Variants in CDKN2C observed in about 807,000 individuals in gnomAD.
CDKN2C encodes cyclin dependent kinase inhibitor 2C, also known as cyclin-dependent kinase 4 inhibitor C.
CDKN2C carries 5 observed loss-of-function variants against 11.0 expected under a neutral mutation model. The observed-to-expected ratio is 0.45, with a 90% CI of 0.24 to 0.95. The LOEUF (loss-of-function observed/expected upper bound fraction) is 0.95. Ranked by LOEUF, CDKN2C falls within the 40% of genes least tolerant of loss-of-function variation. The pLI, the probability that CDKN2C is intolerant of heterozygous loss-of-function variation, is 0.21. For missense variants in CDKN2C, 161 were observed against 211.9 expected (o/e 0.76, Z 1.49); for synonymous variants, 79 against 88.3 (o/e 0.89, Z 0.59).
upstream of CDKN2C, among the ~76,000 whole-genome samples, chr1:50,967,324 T>C (rs1645351464): frequency 1.3e-5 from 2 of 152,266 alleles, no homozygotes; most frequent in Non-Finnish European, 2.9e-5. Context: ...AGAGAGTTAA[T>C]TTCTTGTTTT....
At chr1:50,972,167 G>C (rs1457328849) in intron 1 of CDKN2C, among the ~76,000 whole-genome samples, 1 of 152,104 alleles carries the variant, frequency 6.6e-6, no homozygotes, top group Admixed American at 6.5e-5. Context: ...GCTTTACGAA[G>C]ATCCAAGGTA....
In CDKN2C at chr1:50,970,303, A is replaced by C; in HGVS notation, c.-66A>C. The stretch of plus-strand genomic sequence containing the variant: ...GATGCCATCATGCAGCCTGGTTAGG[A>C]GCAAAGGAAAGGGGAAAAAGAAAAA... On this transcript the variant is annotated 5_prime_UTR_variant, in exon 1 of 2. Coordinates refer to ENST00000371761, the MANE Select transcript of CDKN2C (RefSeq NM_078626.3). 2 of 1,599,070 alleles carry C rather than the reference A, an allele frequency of 1.3e-6. No individual in the cohort carries two copies. Among genetic ancestry groups the C allele is most frequent in the Non-Finnish European group, 1.7e-6 (2 of 1,172,478 alleles).
intron 1 of CDKN2C, among the ~76,000 whole-genome samples, chr1:50,972,108 G>A (rs1645384218): frequency 6.6e-6 from 1 of 152,020 alleles, no homozygotes; most frequent in African/African-American, 2.4e-5. Context: ...CACCTTCCTA[G>A]TGTACATTTT....
chr1:50,972,158 C>G (rs1423712652), intron 1 of CDKN2C, among the ~76,000 whole-genome samples: 2 of 152,068 alleles, frequency 1.3e-5, no homozygotes, highest in African/African-American at 4.8e-5. Flanking sequence ...CGTATGTTTG[C>G]TTTACGAAGA....
At chr1:50,963,520 G>C (rs1183448490) in intron 1 of CDKN2C, among the ~76,000 whole-genome samples, 1 of 152,168 alleles carries the variant, frequency 6.6e-6, no homozygotes, top group African/African-American at 2.4e-5. Context: ...GACAGACCTA[G>C]GATTCAAGAC....
upstream of CDKN2C, chr1:50,970,214 C>T (rs1043466567): frequency 6.9e-6 from 6 of 866,056 alleles, no homozygotes; most frequent in Admixed American, 2.4e-5. Context: ...GCAGGCAGAT[C>T]TTACTAGTAT....
At chr1:50,970,679 A>C (rs968277117) in intron 1 of CDKN2C, among the ~76,000 whole-genome samples, 182 bp downstream of exon 1, 1 of 151,668 alleles carries the variant, frequency 6.6e-6, no homozygotes, top group Non-Finnish European at 1.5e-5. Context: ...CTTTGAACAA[A>C]CTCCTCAAAT....
At position 50,974,308 on chromosome 1, in the gene CDKN2C, C is replaced by A; in HGVS notation, c.*38C>A. The A allele has an allele frequency of 6.6e-7, 1 of 1,513,912 alleles. No homozygotes were observed. Among genetic ancestry groups the A allele is most frequent in the Non-Finnish European group, 8.8e-7 (1 of 1,131,324 alleles). 93.8% of individuals were successfully genotyped at this position (1,513,912 alleles called of 1,614,324 possible). On this transcript the variant is annotated 3_prime_UTR_variant, in exon 2 of 2. Transcript: ENST00000371761. Reference sequence around the variant, plus strand: ...CTCCCCCACGTTGCCTCTACTTTATCAATTAACTGAGTAGCTCTCCTGACT... The same window carrying A: ...CTCCCCCACGTTGCCTCTACTTTATAAATTAACTGAGTAGCTCTCCTGACT...
At chr1:50,965,840 G>A (rs190303886), upstream of CDKN2C, among the ~76,000 whole-genome samples, 467 of 152,234 alleles carry the variant, frequency 3.1e-3, no homozygotes, top group Non-Finnish European at 4.9e-3. Flanking sequence ...AGGCTGCCTG[G>A]GGGTGCCCAG....
At chr1:50,961,851 TA>T (rs1204412711) in intron 1 of CDKN2C, among the ~76,000 whole-genome samples, 1 of 152,240 alleles carries the variant, frequency 6.6e-6, no homozygotes, top group African/African-American at 2.4e-5. Flanking sequence ...CTAGGCTCCA[TA>T]AACTGGGAAT....
At chr1:50,963,827 C>A (rs953875548) in intron 1 of CDKN2C, among the ~76,000 whole-genome samples, 1 of 152,104 alleles carries the variant, frequency 6.6e-6, no homozygotes, top group Admixed American at 6.6e-5. Context: ...GAAATTTGGT[C>A]CATGCACGAG....
upstream of CDKN2C, among the ~76,000 whole-genome samples, chr1:50,966,490 A>C (rs1304941267): frequency 6.6e-6 from 1 of 152,248 alleles, no homozygotes; most frequent in African/African-American, 2.4e-5. Context: ...CACTCTCAAT[A>C]TAGTAGAAAC....
In CDKN2C at chr1:50,973,803, G is replaced by A; in HGVS notation, c.130-90G>A. 2.0e-6 allele frequency: 3 copies of A among 1,482,380 alleles called. No individual in the cohort carries two copies. The South Asian group carries it at 3.4e-5, about 17-fold the overall frequency. 91.8% of individuals were successfully genotyped at this position (1,482,380 alleles called of 1,614,324 possible). On this transcript the variant is annotated intron_variant, in intron 1 of 1. Coordinates refer to ENST00000371761, the MANE Select transcript of CDKN2C (RefSeq NM_078626.3). Reference sequence around the variant, plus strand: ...GCAAGAACTCCATCAAAAATAAATAGTTACATAAATGGAAGGACAGGCAGA... The same window carrying A: ...GCAAGAACTCCATCAAAAATAAATAATTACATAAATGGAAGGACAGGCAGA...
At chr1:50,971,185 C>T (rs3176456) in intron 1 of CDKN2C, among the ~76,000 whole-genome samples, 4,627 of 152,308 alleles carry the variant, frequency 0.03, 248 homozygotes, top group African/African-American at 0.11. Context: ...ACAATTGACA[C>T]ATGTCCAGCT....
At chr1:50,966,263 G>T (rs1000900313), upstream of CDKN2C, among the ~76,000 whole-genome samples, 1 of 151,786 alleles carries the variant, frequency 6.6e-6, no homozygotes, top group African/African-American at 2.4e-5. Context: ...GGCTGGTCTC[G>T]AACTCCTGAC....
intron 1 of CDKN2C, among the ~76,000 whole-genome samples, chr1:50,971,413 G>C (rs917248706): frequency 6.6e-6 from 1 of 152,058 alleles, no homozygotes; most frequent in Non-Finnish European, 1.5e-5. Context: ...GCTTTGTTTC[G>C]GTTACAAGAA....
intron 1 of CDKN2C, among the ~76,000 whole-genome samples, chr1:50,962,967 T>G (rs1645332971): frequency 6.6e-6 from 1 of 152,236 alleles, no homozygotes. Context: ...TATTTCTTTA[T>G]CTCTAAAATT....
At chr1:50,965,419 AT>A (rs1254938485), upstream of CDKN2C, among the ~76,000 whole-genome samples, 1 of 151,418 alleles carries the variant, frequency 6.6e-6, no homozygotes, top group African/African-American at 2.4e-5. Flanking sequence ...AATGGCTTGA[AT>A]TTGGAGGTGG....
chr1:50,964,745 G>T (rs979441381), intron 1 of CDKN2C, among the ~76,000 whole-genome samples: 2 of 152,174 alleles, frequency 1.3e-5, no homozygotes, highest in African/African-American at 4.8e-5. Flanking sequence ...TCACTTCACA[G>T]AATTGTTGTA....
Sources: allele counts gnomAD v4.1 joint callset (sites outside exome capture counted in the v4.1 genomes callset), GRCh38; gene constraint gnomAD v4.1.1; transcripts MANE v1.5; gene names NCBI Gene and HGNC (gene_info 2026-07-23, HGNC 2026-07-21).